IL1RAPL1: variants seen among roughly 807,000 people sequenced by gnomAD.
IL1RAPL1 encodes the protein interleukin-1 receptor accessory protein-like 1.
In IL1RAPL1, 3 loss-of-function variants were observed where a neutral mutation model predicts 48.4. The observed-to-expected ratio is 0.06, with a 90% CI of 0.03 to 0.16. The LOEUF is 0.16. IL1RAPL1 is among the 10% of genes least tolerant of loss of function. The probability of loss-of-function intolerance (pLI) is 1.00; values close to 1 mark genes in which losing one functional copy is unlikely to be tolerated. For missense variants in IL1RAPL1, 349 were observed against 530.6 expected (o/e 0.66, Z 3.36); for synonymous variants, 185 against 187.7 (o/e 0.99, Z 0.12).
chrX:29,820,092 A>G (rs1292880346), intron 6 of IL1RAPL1, among the ~76,000 whole-genome samples: 2 of 107,240 alleles, frequency 1.9e-5, no homozygotes, highest in Non-Finnish European at 3.8e-5. Flanking sequence ...ATAAATATAT[A>G]TCAACACTTA....
chrX:29,350,359 T>C (rs1933213629), intron 3 of IL1RAPL1, among the ~76,000 whole-genome samples: 2 of 101,576 alleles, frequency 2.0e-5, no homozygotes, highest in Admixed American at 2.2e-4. Context: ...CTATTATATT[T>C]CACCTTACTA....
chrX:28,604,906 C>T (rs1056499068), intron 1 of IL1RAPL1, among the ~76,000 whole-genome samples: 2 of 110,546 alleles, frequency 1.8e-5, no homozygotes, highest in Non-Finnish European at 3.8e-5. Context: ...CATACTTGAC[C>T]TGTGGGTAAC....
intron 2 of IL1RAPL1, among the ~76,000 whole-genome samples, chrX:28,794,215 C>A (rs747000731): frequency 1.8e-5 from 2 of 110,929 alleles, no homozygotes; most frequent in African/African-American, 3.3e-5. Flanking sequence ...GACAATGAAC[C>A]TTTACAAATG....
At chrX:29,627,005 A>C (rs1390431129) in intron 5 of IL1RAPL1, among the ~76,000 whole-genome samples, 1 of 112,630 alleles carries the variant, frequency 8.9e-6, no homozygotes, top group African/African-American at 3.2e-5. Context: ...TACTCCCCAG[A>C]GAAAAAGACC....
intron 2 of IL1RAPL1, among the ~76,000 whole-genome samples, chrX:29,081,414 G>A (rs949696237): frequency 1.8e-5 from 2 of 109,357 alleles, no homozygotes; most frequent in Middle Eastern, 4.9e-3. Context: ...TGTTGCCCTG[G>A]CTGGCCTCAA....
chrX:29,617,612 C>T (rs772150883), intron 5 of IL1RAPL1, among the ~76,000 whole-genome samples: 4 of 112,234 alleles, frequency 3.6e-5, no homozygotes, highest in Non-Finnish European at 7.5e-5. Context: ...AAAGAAACTT[C>T]ACTAGAGGCT....
intron 5 of IL1RAPL1, among the ~76,000 whole-genome samples, chrX:29,400,469 G>A (rs1348579739): frequency 9.0e-6 from 1 of 111,422 alleles, no homozygotes; most frequent in Non-Finnish European, 1.9e-5. Context: ...GAGAAAAGTG[G>A]GGATAATAAG....
At chrX:29,772,984 G>T (rs1168827961) in intron 6 of IL1RAPL1, among the ~76,000 whole-genome samples, 1 of 111,580 alleles carries the variant, frequency 9.0e-6, no homozygotes, top group Non-Finnish European at 1.9e-5. Flanking sequence ...TCATGTGGAA[G>T]AGAGTTGATA....
chrX:29,955,627 C>G lies in IL1RAPL1; in HGVS notation c.1898C>G (p.Pro633Arg). 1 of 1,209,772 alleles carries G rather than the reference C, an allele frequency of 8.3e-7. No homozygotes were observed. Among genetic ancestry groups the G allele is most frequent in the South Asian group, 1.8e-5 (1 of 56,749 alleles). ...HYYRSYEYDV[P>R]PTGTLPLTSI... ...TACCGAAGCTATGAGTACGACGTACCTCCTACCGGCACCCTGCCTCTTACC... is the reference window on the plus strand; with the variant it reads ...TACCGAAGCTATGAGTACGACGTACGTCCTACCGGCACCCTGCCTCTTACC... Residue 633 changes from proline (P) to arginine (R), a missense_variant, in exon 11 of 11, where the codon CCT becomes CGT. Around this residue, in one of 3 missense-constraint regions of IL1RAPL1, gnomAD observed 65 missense variants for 79.6 expected, o/e 0.82. Transcript: ENST00000378993.
At chrX:29,119,554 A>G (rs1055164531) in intron 2 of IL1RAPL1, among the ~76,000 whole-genome samples, 12 of 112,118 alleles carry the variant, frequency 1.1e-4, no homozygotes, top group African/African-American at 2.3e-4. Context: ...CCAAAATTGC[A>G]GAAACAGATT....
At chrX:28,873,523 C>CTTTTTTTT (rs10554661) in intron 2 of IL1RAPL1, among the ~76,000 whole-genome samples, 17 of 56,661 alleles carry the variant, frequency 3.0e-4, no homozygotes, top group Non-Finnish European at 4.4e-4. Context: ...TTCTTTCTTT[C>CTTTTTTTT]TTTTTTTTTT....
At position 29,865,557 on chromosome X, in the gene IL1RAPL1, C is replaced by T. The variant is rs765394941; in HGVS notation, c.779-51907C>T. On this transcript the variant is annotated intron_variant, in intron 6 of 10. Transcript: ENST00000378993. Reference sequence around the variant, plus strand: ...GTCTCATCCCCAGAATAATGTTGCTCACAAAATAGATGCTCAATAAATGCC... The same window carrying T: ...GTCTCATCCCCAGAATAATGTTGCTTACAAAATAGATGCTCAATAAATGCC... Among the ~76,000 whole-genome samples, 5 of 109,565 alleles carry T rather than the reference C, an allele frequency of 4.6e-5. No homozygotes were observed. The South Asian group carries it at 2.0e-3, about 44-fold the overall frequency.
At chrX:29,484,754 G>T (rs1394323693) in intron 5 of IL1RAPL1, among the ~76,000 whole-genome samples, 2 of 111,832 alleles carry the variant, frequency 1.8e-5, no homozygotes, top group Non-Finnish European at 3.8e-5. Context: ...TAAGGCTTTG[G>T]CTTCCTTATG....
At chrX:29,867,046 G>T (rs185158968) in intron 6 of IL1RAPL1, among the ~76,000 whole-genome samples, 1 of 110,336 alleles carries the variant, frequency 9.1e-6, no homozygotes, top group African/African-American at 3.3e-5. Context: ...AGGATCACCC[G>T]GGCAACTTTG....
chrX:29,418,478 A>G (rs1021080509), intron 5 of IL1RAPL1, among the ~76,000 whole-genome samples: 8 of 111,209 alleles, frequency 7.2e-5, no homozygotes, highest in Non-Finnish European at 1.3e-4. Context: ...TTATCAATGT[A>G]TCATGTTTCT....
chrX:29,104,770 A>G (rs954949876), intron 2 of IL1RAPL1, among the ~76,000 whole-genome samples: 3 of 111,300 alleles, frequency 2.7e-5, no homozygotes, highest in Non-Finnish European at 3.8e-5. Flanking sequence ...CCACAAAAAA[A>G]AATTTAAGAA....
At chrX:29,118,184 TTCTC>T (rs1165618704) in intron 2 of IL1RAPL1, among the ~76,000 whole-genome samples, 1 of 112,350 alleles carries the variant, frequency 8.9e-6, no homozygotes, top group Non-Finnish European at 1.9e-5. Context: ...TTAAAATGTG[TTCTC>T]TCTATGCTTA....
intron 5 of IL1RAPL1, among the ~76,000 whole-genome samples, chrX:29,577,678 A>T (rs1206939148): frequency 8.9e-6 from 1 of 111,951 alleles, no homozygotes; most frequent in Non-Finnish European, 1.9e-5. Flanking sequence ...ACTTTTCCCA[A>T]TGTTCAAATT....
Position 28,860,341 on chromosome X carries a change from T to C in IL1RAPL1, c.82+70916T>C, listed in dbSNP as rs751135086. On this transcript the variant is annotated intron_variant, in intron 2 of 10. Coordinates refer to ENST00000378993, the MANE Select transcript of IL1RAPL1 (RefSeq NM_014271.4). The stretch of plus-strand genomic sequence containing the variant: ...ATAGCTCATTACTTTGTTTTGAGGG[T>C]TAAGAGTAAAAACACACAGAAAGTT... Among the ~76,000 whole-genome samples, 32 of 111,633 alleles carry C rather than the reference T, an allele frequency of 2.9e-4. No homozygotes were observed. In the South Asian group the frequency reaches 0.011, roughly 40 times the overall value.
Sources: allele counts gnomAD v4.1 joint callset (sites outside exome capture counted in the v4.1 genomes callset), GRCh38; gene constraint gnomAD v4.1.1; regional missense constraint gnomAD v4.1.1; transcripts MANE v1.5; gene names NCBI Gene and HGNC (gene_info 2026-07-23, HGNC 2026-07-21).